Variants in THSD7B observed in about 807,000 individuals in gnomAD.
THSD7B encodes the protein thrombospondin type 1 domain containing 7B.
Under a neutral mutation model 213.6 loss-of-function variants are expected in THSD7B, and 138 were observed. The observed-to-expected ratio is 0.65, with a 90% CI of 0.56 to 0.74. The LOEUF (loss-of-function observed/expected upper bound fraction) is 0.74. Among genes scored for constraint, THSD7B ranks in the 30% least tolerant of loss-of-function variants. THSD7B has a pLI of 0.00. For missense variants in THSD7B, 1,931 were observed against 1,991.5 expected, an observed-to-expected ratio of 0.97 and a Z score of 0.58; for synonymous variants, 742 against 687.0, an observed-to-expected ratio of 1.08 and a Z score of -1.25.
intron 12 of THSD7B, among the ~76,000 whole-genome samples, chr2:137,333,251 T>A (rs1684555617): frequency 6.6e-6 from 1 of 151,364 alleles, no homozygotes; most frequent in Non-Finnish European, 1.5e-5. Context: ...CAAATTGTCT[T>A]CATCTACACC....
intron 12 of THSD7B, among the ~76,000 whole-genome samples, chr2:137,388,878 A>G (rs1364799376): frequency 6.6e-6 from 1 of 151,988 alleles, no homozygotes; most frequent in East Asian, 1.9e-4. Context: ...TCAGTATTCT[A>G]TTGTGTATAT....
intron 12 of THSD7B, among the ~76,000 whole-genome samples, chr2:137,294,313 T>C (rs935600450): frequency 6.6e-6 from 1 of 152,050 alleles, no homozygotes; most frequent in Admixed American, 6.5e-5. Flanking sequence ...CTGGTTGCAG[T>C]GGCTCACAAC....
At chr2:137,255,795 A>G (rs1682292483) in intron 10 of THSD7B, among the ~76,000 whole-genome samples, 1 of 152,088 alleles carries the variant, frequency 6.6e-6, no homozygotes, top group Admixed American at 6.6e-5. Flanking sequence ...TGCAGCCTCA[A>G]ACTCCTGGGC....
intron 21 of THSD7B, among the ~76,000 whole-genome samples, chr2:137,646,503 A>G (rs1683033729): frequency 1.3e-5 from 2 of 150,422 alleles, no homozygotes; most frequent in Non-Finnish European, 3.0e-5. Context: ...AAAAAAAAAA[A>G]AAGCTGAGTG....
At chr2:136,922,885 A>G (rs1311328848) in intron 2 of THSD7B, among the ~76,000 whole-genome samples, 3 of 152,034 alleles carry the variant, frequency 2.0e-5, no homozygotes, top group Admixed American at 6.6e-5. Flanking sequence ...CCATTCCTCT[A>G]TTTGTTCATG....
intron 7 of THSD7B, among the ~76,000 whole-genome samples, chr2:137,203,782 A>G (rs1390594291): frequency 6.6e-6 from 1 of 152,116 alleles, no homozygotes; most frequent in Non-Finnish European, 1.5e-5. Flanking sequence ...TATGCAGTGT[A>G]TTTCTTACTT....
chr2:137,437,833 CTT>C (rs1229619315), intron 14 of THSD7B, among the ~76,000 whole-genome samples: 8 of 152,130 alleles, frequency 5.3e-5, no homozygotes, highest in Non-Finnish European at 1.2e-4. Flanking sequence ...AAATGTTAAT[CTT>C]TACCTACTCT....
chr2:137,389,746 C>G (rs888731538), intron 12 of THSD7B, among the ~76,000 whole-genome samples: 1 of 151,568 alleles, frequency 6.6e-6, no homozygotes, highest in African/African-American at 2.4e-5. Context: ...GCTTTTTGTA[C>G]GTGGTGAGAA....
intron 4 of THSD7B, among the ~76,000 whole-genome samples, chr2:137,105,219 C>A (rs1478424993): frequency 6.6e-6 from 1 of 152,146 alleles, no homozygotes; most frequent in African/African-American, 2.4e-5. Context: ...ATGATCAAGT[C>A]AGCTTCATCC....
At chr2:136,812,679 A>G (rs1428929661) in intron 1 of THSD7B, among the ~76,000 whole-genome samples, 1 of 152,210 alleles carries the variant, frequency 6.6e-6, no homozygotes, top group African/African-American at 2.4e-5. Context: ...GAAGTTGAGA[A>G]ACTTTAAGCA....
chr2:137,317,750 A>G (rs938380985), intron 12 of THSD7B, among the ~76,000 whole-genome samples: 1 of 152,166 alleles, frequency 6.6e-6, no homozygotes. Flanking sequence ...CCTTGTCTCT[A>G]TAAAAAATTA....
chr2:137,585,861 G>T (rs1429860908), intron 17 of THSD7B, among the ~76,000 whole-genome samples: 4 of 152,288 alleles, frequency 2.6e-5, no homozygotes, highest in Admixed American at 2.0e-4. Flanking sequence ...AGGTCCGCTT[G>T]GTGCAGAGCT....
chr2:137,438,005 C>A (rs752209684), intron 14 of THSD7B, among the ~76,000 whole-genome samples: 36 of 152,046 alleles, frequency 2.4e-4, no homozygotes, highest in Admixed American at 2.0e-4. Context: ...AACTGTCTTC[C>A]CAACTCCCAC....
At chr2:137,553,101 C>A (rs774294647) in intron 15 of THSD7B, among the ~76,000 whole-genome samples, 3 of 152,078 alleles carry the variant, frequency 2.0e-5, no homozygotes, top group Non-Finnish European at 2.9e-5. Context: ...CCAATGAAAT[C>A]GACATTGAAT....
intron 2 of THSD7B, among the ~76,000 whole-genome samples, chr2:136,951,090 C>A (rs1573729523): frequency 6.6e-6 from 1 of 152,094 alleles, no homozygotes; most frequent in South Asian, 2.1e-4. Context: ...ACTGGGTGGG[C>A]TAGGAGAGGA....
intron 12 of THSD7B, among the ~76,000 whole-genome samples, chr2:137,371,814 A>G (rs901914006): frequency 5.3e-5 from 8 of 152,244 alleles, no homozygotes; most frequent in African/African-American, 1.4e-4. Flanking sequence ...CTTGCTAAAT[A>G]TTCTTTTCTC....
intron 12 of THSD7B, among the ~76,000 whole-genome samples, chr2:137,306,244 G>T (rs766163599): frequency 1.3e-5 from 2 of 152,036 alleles, no homozygotes. Context: ...TTTCTGCTCC[G>T]TTATAATGTT....
At chr2:137,366,715 C>T (rs531468341) in intron 12 of THSD7B, among the ~76,000 whole-genome samples, 3 of 150,866 alleles carry the variant, frequency 2.0e-5, no homozygotes, top group African/African-American at 4.9e-5. Context: ...AAAAGATAAA[C>T]GTTTTTGATA....
At position 137,471,154 on chromosome 2, in the gene THSD7B, C is replaced by T. The variant is rs1157155454; in HGVS notation, c.3138+20131C>T. Among the ~76,000 whole-genome samples, 6 of 151,944 alleles carry T rather than the reference C, an allele frequency of 3.9e-5. 1 individual carries two copies. The highest frequency in any genetic ancestry group is 9.7e-5 in the African/African-American group (4 of 41,376). On this transcript the variant is annotated intron_variant, in intron 15 of 27. Coordinates refer to ENST00000409968, the MANE Select transcript of THSD7B (RefSeq NM_001316349.2). Reference sequence around the variant, plus strand: ...CAGGCTGGTCTTGAACTCCTGACCTCAGGTGATCCACCAGCCTCGGCCCCC... The same window carrying T: ...CAGGCTGGTCTTGAACTCCTGACCTTAGGTGATCCACCAGCCTCGGCCCCC...
Sources: gnomAD v4.1 joint callset for allele counts (sites outside exome capture counted in the v4.1 genomes callset) on GRCh38, gnomAD v4.1.1 for gene constraint, MANE v1.5 for transcripts, NCBI Gene and HGNC (gene_info 2026-07-23, HGNC 2026-07-21) for gene names.